Variants in CDK5RAP2 observed in about 807,000 individuals in gnomAD.
The protein encoded by CDK5RAP2 is CDK5 regulatory subunit associated protein 2, also known as CDK5 regulatory subunit-associated protein 2.
CDK5RAP2 carries 147 observed loss-of-function variants against 232.9 expected under a neutral mutation model. The observed-to-expected ratio is 0.63, with a 90% confidence interval of 0.55 to 0.72. The LOEUF (loss-of-function observed/expected upper bound fraction) is 0.72. CDK5RAP2 is among the 30% of genes least tolerant of loss of function. The pLI, the probability that CDK5RAP2 is intolerant of heterozygous loss-of-function variation, is 0.00. For missense variants in CDK5RAP2, 2,195 were observed against 2,231.5 expected (o/e 0.98, Z 0.33); for synonymous variants, 833 against 833.7 (o/e 1.00, Z 0.01).
At chr9:120,516,737 T>C (rs2040358076) in intron 12 of CDK5RAP2, among the ~76,000 whole-genome samples, 2 of 152,070 alleles carry the variant, frequency 1.3e-5, no homozygotes, top group African/African-American at 4.8e-5. Flanking sequence ...GGTGAGGCAG[T>C]AGGATCCCTT....
chr9:120,562,459 G>A (rs1564381369), intron 3 of CDK5RAP2, among the ~76,000 whole-genome samples: 3 of 152,176 alleles, frequency 2.0e-5, no homozygotes, highest in East Asian at 3.9e-4. Flanking sequence ...ACTCAACTCA[G>A]CAAAAACCCC....
rs751590569 is a variant in CDK5RAP2 at position 120,403,045 on chromosome 9, T to G, written c.5068A>C (p.Asn1690His). 1 of 1,614,124 alleles carries G rather than the reference T, an allele frequency of 6.2e-7. No individual in the cohort carries two copies. The highest frequency in any genetic ancestry group is 1.1e-5 in the South Asian group (1 of 91,072). The change falls in exon 34 of 38, where the codon AAT becomes CAT. Residue 1690 changes from asparagine (N) to histidine (H), a missense_variant. Transcript: ENST00000349780. The surrounding 1 kb of genome is among the most constrained non-coding windows in gnomAD (Gnocchi z 4.2). ...SVSETPPLSG[N>H]DTDSLSCDSG... ...TCGCAGGAGAGGGAGTCCGTGTCAT[T>G]CCCAGAGAGTGGAGGAGTCTCTGAA...
At position 120,452,591 on chromosome 9, in the gene CDK5RAP2, G is replaced by A. The variant is rs752551617; in HGVS notation, c.2793+865C>T. Among the ~76,000 whole-genome samples the A allele has an allele frequency of 2.4e-3, 362 of 151,664 alleles. 4 individuals are homozygous for A. The highest frequency in any genetic ancestry group is 2.1e-3 in the Non-Finnish European group (140 of 67,930). On this transcript the variant is annotated intron_variant, in intron 21 of 37. Transcript: ENST00000349780. ...CCTTCTATAGGGATTCTTGGCCGTG[G>A]GGGGGTCAAGCCGTGACCTCAAGAG...
In CDK5RAP2 at chr9:120,406,847, C is replaced by T. The variant is rs2033475720; in HGVS notation, c.4963+165G>A. On this transcript the variant is annotated intron_variant, in intron 32 of 37. Coordinates refer to ENST00000349780, the MANE Select transcript of CDK5RAP2 (RefSeq NM_018249.6). ...ATTACGCCACTTTGCCCAAGGTGAC[C>T]GCTAATTAATTAGCAGTCAGGTCCC... is the stretch of plus-strand genomic sequence containing the variant. The T allele has an allele frequency of 4.4e-5, 27 of 618,266 alleles. No homozygotes were observed. In the South Asian group the frequency reaches 4.8e-4, roughly 11 times the overall value. The allele number at this position is 618,266 out of a possible 1,614,324, so 38.3% of individuals were successfully genotyped here.
intron 12 of CDK5RAP2, among the ~76,000 whole-genome samples, chr9:120,514,278 G>A (rs1588531912): frequency 6.6e-6 from 1 of 152,254 alleles, no homozygotes; most frequent in African/African-American, 2.4e-5. Flanking sequence ...GGTCTGCCCA[G>A]TGCCCTGAAA....
At chr9:120,504,485 C>G (rs1253575587) in intron 12 of CDK5RAP2, among the ~76,000 whole-genome samples, 1 of 152,168 alleles carries the variant, frequency 6.6e-6, no homozygotes, top group East Asian at 1.9e-4. Flanking sequence ...GTATTCCTCC[C>G]GCCAGACAGC....
chr9:120,459,983 T>C (rs1369880520), intron 19 of CDK5RAP2, among the ~76,000 whole-genome samples: 2 of 152,204 alleles, frequency 1.3e-5, no homozygotes, highest in Non-Finnish European at 2.9e-5. Flanking sequence ...GACTGCTTGC[T>C]CCACATGTTC....
intron 13 of CDK5RAP2, among the ~76,000 whole-genome samples, chr9:120,489,291 T>C (rs1439305036): frequency 6.6e-6 from 1 of 152,264 alleles, no homozygotes; most frequent in African/African-American, 2.4e-5. Context: ...TTTATCCCTC[T>C]GTTCTAAAAT....
chr9:120,467,455 G>C (rs1399583895), intron 18 of CDK5RAP2, among the ~76,000 whole-genome samples: 1 of 152,094 alleles, frequency 6.6e-6, no homozygotes, highest in Admixed American at 6.5e-5. Flanking sequence ...CCAGCCTAGT[G>C]GGGCTCTCAA....
chr9:120,422,797 C>A, intron 25 of CDK5RAP2, 56 bp from the exon 26 acceptor site: 1 of 1,333,764 alleles, frequency 7.5e-7, no homozygotes, highest in Non-Finnish European at 1.1e-6. Flanking sequence ...TTAAGTGTTC[C>A]CTAATAATTT....
intron 29 of CDK5RAP2, 25 bp from the exon 30 acceptor site, chr9:120,409,341 G>C (rs2033700855): frequency 6.5e-7 from 1 of 1,527,660 alleles, no homozygotes; most frequent in Non-Finnish European, 8.9e-7. Flanking sequence ...AGGTGCCACT[G>C]AGAAGGGCCA....
At chr9:120,440,242 A>T (rs2035822197) in intron 23 of CDK5RAP2, 1 of 489,156 alleles carries the variant, frequency 2.0e-6, no homozygotes, top group Non-Finnish European at 3.7e-6. Flanking sequence ...TAACCATGAT[A>T]AACCCACACA....
At position 120,518,419 on chromosome 9, in the gene CDK5RAP2, G is replaced by A; in HGVS notation, c.1311+8C>T. 1.2e-6 allele frequency: 2 copies of A among 1,611,126 alleles called. No individual in the cohort carries two copies. The highest frequency in any genetic ancestry group is 1.7e-6 in the Non-Finnish European group (2 of 1,178,148). On this transcript the variant is annotated splice_region_variant and intron_variant, in intron 12 of 37. Coordinates refer to ENST00000349780, the MANE Select transcript of CDK5RAP2 (RefSeq NM_018249.6). ...TCCACTGTGTCAGAAGGGCAGGGCG[G>A]TACTCACACGGATGGTGCAGTCTCC...
intron 23 of CDK5RAP2, among the ~76,000 whole-genome samples, chr9:120,442,344 A>C (rs2035947895): frequency 6.6e-6 from 1 of 152,204 alleles, no homozygotes; most frequent in Non-Finnish European, 1.5e-5. Context: ...GAGAGTTCTT[A>C]ACCCTCAATG....
In CDK5RAP2 at chr9:120,567,405, T is replaced by C. The variant is rs539291920; in HGVS notation, c.195+916A>G. On this transcript the variant is annotated intron_variant, in intron 3 of 37. Coordinates refer to ENST00000349780, the MANE Select transcript of CDK5RAP2 (RefSeq NM_018249.6). The stretch of plus-strand genomic sequence containing the variant: ...GGGAGAAAGAAACATAATTGTGGAA[T>C]GTCCTTCTCTCTGTGTCCTCCATCT... 6.6e-5 allele frequency among the ~76,000 whole-genome samples: 10 copies of C among 152,338 alleles called. No individual in the cohort carries two copies. The East Asian group carries it at 1.2e-3, about 18-fold the overall frequency.
In CDK5RAP2 at chr9:120,389,135, G is replaced by T; in HGVS notation, c.*101C>A. On this transcript the variant is annotated 3_prime_UTR_variant, in exon 38 of 38. Coordinates refer to ENST00000349780, the MANE Select transcript of CDK5RAP2 (RefSeq NM_018249.6). ...GGAAAAAATAGATTTCCTTTGGCCAGACAGCTCTTTCTTCCTCAATAAATA... is the reference window on the plus strand; with the variant it reads ...GGAAAAAATAGATTTCCTTTGGCCATACAGCTCTTTCTTCCTCAATAAATA... 1 of 1,001,634 alleles carries T rather than the reference G, an allele frequency of 1.0e-6. No individual in the cohort carries two copies. The highest frequency in any genetic ancestry group is 1.5e-6 in the Non-Finnish European group (1 of 650,850). The allele number at this position is 1,001,634 out of a possible 1,614,324, so 62.0% of individuals were successfully genotyped here.
At chr9:120,422,084 T>G (rs1267525601) in intron 26 of CDK5RAP2, among the ~76,000 whole-genome samples, 1 of 152,222 alleles carries the variant, frequency 6.6e-6, no homozygotes, top group African/African-American at 2.4e-5. Context: ...TAGAAAGCAT[T>G]ACAATACCAT....
chr9:120,399,609 A>G (rs2032819939), intron 35 of CDK5RAP2, among the ~76,000 whole-genome samples: 1 of 152,202 alleles, frequency 6.6e-6, no homozygotes, highest in Admixed American at 6.5e-5. Flanking sequence ...GGGACACTCC[A>G]GGCAGTCAGG....
chr9:120,463,379 A>AAAC (rs377431877), intron 18 of CDK5RAP2, among the ~76,000 whole-genome samples: 29 of 152,158 alleles, frequency 1.9e-4, no homozygotes, highest in Non-Finnish European at 3.2e-4. Context: ...TCAAAAAACA[A>AAAC]AACAACAACA....
Sources: gnomAD v4.1 joint callset for allele counts (sites outside exome capture counted in the v4.1 genomes callset) on GRCh38, gnomAD v4.1.1 for gene constraint, Gnocchi (gnomAD v3.1) non-coding constraint, MANE v1.5 for transcripts, NCBI Gene and HGNC (gene_info 2026-07-23, HGNC 2026-07-21) for gene names.